Variants in DACH2 observed in about 807,000 individuals in gnomAD.
The protein encoded by DACH2 is dachshund homolog 2.
Under a neutral mutation model 35.8 loss-of-function variants are expected in DACH2, and 17 were observed. That is an observed-to-expected ratio of 0.48 (90% confidence interval 0.33 to 0.71). The LOEUF is 0.71. Ranked by LOEUF, DACH2 falls within the 30% of genes least tolerant of loss-of-function variation. The pLI is 0.02. For missense variants in DACH2, 469 were observed against 472.7 expected (o/e 0.99, Z 0.07); for synonymous variants, 195 against 177.3 (o/e 1.10, Z -0.79).
At chrX:86,330,114 C>G (rs1032856074) in intron 1 of DACH2, among the ~76,000 whole-genome samples, 1 of 112,028 alleles carries the variant, frequency 8.9e-6, no homozygotes, top group Non-Finnish European at 1.9e-5. Flanking sequence ...ACAGACTTGT[C>G]ATTAATTCTT....
intron 3 of DACH2, among the ~76,000 whole-genome samples, chrX:86,644,404 G>A (rs960469268): frequency 1.1e-4 from 12 of 111,259 alleles, no homozygotes; most frequent in Non-Finnish European, 1.7e-4. Flanking sequence ...ACAAAACACT[G>A]TTCAAATAAA....
At chrX:86,501,635 C>T (rs7882656) in intron 2 of DACH2, among the ~76,000 whole-genome samples, 7,433 of 111,682 alleles carry the variant, frequency 0.067, 622 homozygotes, top group African/African-American at 0.23. Context: ...CTTGCTTCCC[C>T]ACTTTTCAAA....
intron 1 of DACH2, among the ~76,000 whole-genome samples, chrX:86,331,369 A>G (rs183519682): frequency 1.8e-5 from 2 of 111,125 alleles, no homozygotes; most frequent in Non-Finnish European, 3.8e-5. Flanking sequence ...CACTTGGATA[A>G]CATTTCAGAC....
At chrX:86,409,072 A>G (rs2036569316) in intron 2 of DACH2, among the ~76,000 whole-genome samples, 1 of 111,558 alleles carries the variant, frequency 9.0e-6, no homozygotes, top group South Asian at 3.7e-4. Flanking sequence ...TGAGATTATT[A>G]AAGGGAGAAA....
chrX:86,311,566 G>A (rs1290782482), intron 1 of DACH2, among the ~76,000 whole-genome samples: 1 of 110,973 alleles, frequency 9.0e-6, no homozygotes, highest in Non-Finnish European at 1.9e-5. Context: ...GGAATCAAGG[G>A]GTGGAAGTGG....
intron 1 of DACH2, among the ~76,000 whole-genome samples, chrX:86,257,066 G>T (rs2033534643): frequency 9.0e-6 from 1 of 110,912 alleles, no homozygotes; most frequent in African/African-American, 3.3e-5. Flanking sequence ...ACTTAACATT[G>T]TATGATGAAT....
At chrX:86,401,796 A>G (rs905279978) in intron 2 of DACH2, among the ~76,000 whole-genome samples, 5 of 110,990 alleles carry the variant, frequency 4.5e-5, no homozygotes, top group Non-Finnish European at 7.5e-5. Flanking sequence ...ACAAAATACT[A>G]GTAAATTGAA....
In DACH2 at chrX:86,238,841, A is replaced by C. The variant is rs780572648; in HGVS notation, c.488+89733A>C. ...TTGATTAGTGGGATAACTAAATTTTATATTAAAATTCAATAAAATGTTTTT... is the reference window on the plus strand; with the variant it reads ...TTGATTAGTGGGATAACTAAATTTTCTATTAAAATTCAATAAAATGTTTTT... On this transcript the variant is annotated intron_variant, in intron 1 of 11. Coordinates refer to ENST00000373125, the MANE Select transcript of DACH2 (RefSeq NM_053281.3). Among the ~76,000 whole-genome samples the C allele has an allele frequency of 4.5e-5, 5 of 111,654 alleles. No individual in the cohort carries two copies. In the Admixed American group the frequency reaches 4.8e-4, roughly 11 times the overall value.
chrX:86,792,279 G>A (rs2042193637), intron 7 of DACH2, among the ~76,000 whole-genome samples: 1 of 111,866 alleles, frequency 8.9e-6, no homozygotes, highest in Non-Finnish European at 1.9e-5. Flanking sequence ...TGCAAGATAT[G>A]TGGTATTTTG....
At chrX:86,273,270 C>T (rs2033848628) in intron 1 of DACH2, among the ~76,000 whole-genome samples, 1 of 111,612 alleles carries the variant, frequency 9.0e-6, no homozygotes, top group Non-Finnish European at 1.9e-5. Flanking sequence ...GTTCAATTAG[C>T]TCTATACATC....
intron 1 of DACH2, among the ~76,000 whole-genome samples, chrX:86,326,618 C>T (rs756268459): frequency 1.4e-4 from 15 of 110,022 alleles, no homozygotes; most frequent in Middle Eastern, 9.4e-3. Context: ...GTTTGGAGTG[C>T]GAATGAATCT....
chrX:86,582,699 C>T (rs1198211394), intron 3 of DACH2, among the ~76,000 whole-genome samples: 1 of 110,379 alleles, frequency 9.1e-6, no homozygotes, highest in Non-Finnish European at 1.9e-5. Flanking sequence ...ATAACGAGAT[C>T]TGAAATTGAG....
At chrX:86,659,768 T>C (rs986393857) in intron 4 of DACH2, among the ~76,000 whole-genome samples, 1 of 112,063 alleles carries the variant, frequency 8.9e-6, no homozygotes, top group Non-Finnish European at 1.9e-5. Flanking sequence ...TGTGCCTTGG[T>C]TACAATGAAC....
At chrX:86,536,230 C>G (rs973395784) in intron 3 of DACH2, among the ~76,000 whole-genome samples, 2 of 111,522 alleles carry the variant, frequency 1.8e-5, no homozygotes, top group Non-Finnish European at 3.8e-5. Context: ...TCATCCAGGA[C>G]CAAAGTAAGT....
intron 1 of DACH2, among the ~76,000 whole-genome samples, chrX:86,183,882 C>T (rs1176182974): frequency 9.0e-6 from 1 of 111,398 alleles, no homozygotes; most frequent in African/African-American, 3.3e-5. Flanking sequence ...AAGGATTTGA[C>T]TTCTTCCTGG....
At chrX:86,483,879 C>T (rs2037980770) in intron 2 of DACH2, among the ~76,000 whole-genome samples, 1 of 111,095 alleles carries the variant, frequency 9.0e-6, no homozygotes, top group South Asian at 3.8e-4. Flanking sequence ...GTTTTTGCTA[C>T]ATCTAAAGCT....
chrX:86,185,896 T>C (rs2031666512), intron 1 of DACH2, among the ~76,000 whole-genome samples: 1 of 112,184 alleles, frequency 8.9e-6, no homozygotes, highest in African/African-American at 3.2e-5. Context: ...TTATATAGGG[T>C]TTAAAGTTAT....
intron 2 of DACH2, chrX:86,480,888 A>G (rs1387048417): frequency 2.7e-5 from 3 of 112,239 alleles, no homozygotes; most frequent in Non-Finnish European, 5.6e-5. Context: ...TTTATACTAA[A>G]TCAGTTGGAT....
At chrX:86,454,795 G>T (rs1455477027) in intron 2 of DACH2, among the ~76,000 whole-genome samples, 1 of 111,962 alleles carries the variant, frequency 8.9e-6, no homozygotes, top group African/African-American at 3.3e-5. Flanking sequence ...CTCAGCCTCA[G>T]CCCACTTCTG....
Sources: allele counts gnomAD v4.1 joint callset (sites outside exome capture counted in the v4.1 genomes callset), GRCh38; gene constraint gnomAD v4.1.1; transcripts MANE v1.5; gene names NCBI Gene and HGNC (gene_info 2026-07-23, HGNC 2026-07-21).